Variants in CEP162 observed in about 807,000 individuals in gnomAD.
CEP162 encodes centrosomal protein 162.
CEP162 carries 141 observed loss-of-function variants against 169.2 expected under a neutral mutation model. That is an observed-to-expected ratio of 0.83 (90% CI 0.73 to 0.96). The LOEUF (loss-of-function observed/expected upper bound fraction) is 0.96, where lower values mean the gene tolerates loss of function less well. CEP162 is among the 40% of genes least tolerant of loss of function. CEP162 has a pLI of 0.00. For missense variants in CEP162, 1,600 were observed against 1,587.2 expected (o/e 1.01, Z -0.14); for synonymous variants, 540 against 526.4 (o/e 1.03, Z -0.35).
chr6:84,208,664 T>C (rs1032507215), intron 6 of CEP162, among the ~76,000 whole-genome samples: 2 of 152,242 alleles, frequency 1.3e-5, no homozygotes, highest in Non-Finnish European at 2.9e-5. Context: ...ACAGCATGTG[T>C]ATTGTAACTT....
chr6:84,221,925 C>T (rs1243232773), intron 2 of CEP162, among the ~76,000 whole-genome samples: 1 of 152,066 alleles, frequency 6.6e-6, no homozygotes, highest in Non-Finnish European at 1.5e-5. Context: ...TCTGTATCTT[C>T]ACTCCCTTCT....
At chr6:84,130,341 G>C (rs2099510806) in intron 25 of CEP162, among the ~76,000 whole-genome samples, 1 of 152,134 alleles carries the variant, frequency 6.6e-6, no homozygotes, top group South Asian at 2.1e-4. Flanking sequence ...GTTTCTGCCA[G>C]GTTTTGGTAT....
At chr6:84,197,842 AAG>A (rs1554181652) in intron 9 of CEP162, among the ~76,000 whole-genome samples, 64 of 150,894 alleles carry the variant, frequency 4.2e-4, no homozygotes, top group Middle Eastern at 3.4e-3. Flanking sequence ...AAAAAAAAAA[AAG>A]AGAGAAAGTT....
intron 25 of CEP162, among the ~76,000 whole-genome samples, chr6:84,139,393 A>T (rs560253899): frequency 4.6e-5 from 7 of 152,280 alleles, no homozygotes; most frequent in African/African-American, 1.7e-4. Flanking sequence ...GTTACTTTTC[A>T]TGAGGTTTCT....
intron 25 of CEP162, among the ~76,000 whole-genome samples, chr6:84,133,163 C>CTGCAGAACAGCAAATAT (rs950399185): frequency 3.3e-5 from 5 of 152,194 alleles, no homozygotes; most frequent in African/African-American, 1.2e-4. Flanking sequence ...CCAGCAGAGG[C>CTGCAGAACAGCAAATAT]TGCAGAACAG....
intron 4 of CEP162, 90 bp downstream of exon 4, chr6:84,215,686 A>T: frequency 2.7e-6 from 4 of 1,467,218 alleles, no homozygotes; most frequent in Non-Finnish European, 3.6e-6. Context: ...TACATGCTTC[A>T]GTAAAGGAGG....
intron 13 of CEP162, among the ~76,000 whole-genome samples, chr6:84,176,949 T>A (rs1000158644): frequency 8.5e-5 from 13 of 152,102 alleles, no homozygotes; most frequent in African/African-American, 2.2e-4. Context: ...GTGTATTTTT[T>A]AAAAATTTTA....
At chr6:84,178,207 T>C (rs2099533175) in intron 13 of CEP162, among the ~76,000 whole-genome samples, 1 of 152,198 alleles carries the variant, frequency 6.6e-6, no homozygotes, top group African/African-American at 2.4e-5. Context: ...TAAACTTGAC[T>C]GGATATTTAA....
At chr6:84,190,371 TA>T (rs1241175047) in intron 11 of CEP162, among the ~76,000 whole-genome samples, 1 of 152,060 alleles carries the variant, frequency 6.6e-6, no homozygotes, top group Non-Finnish European at 1.5e-5. Context: ...GATAAGAGAA[TA>T]AAAGCAGGCT....
At chr6:84,202,657 A>C (rs899198845) in intron 7 of CEP162, among the ~76,000 whole-genome samples, 2 of 150,882 alleles carry the variant, frequency 1.3e-5, no homozygotes, top group South Asian at 4.2e-4. Flanking sequence ...CCTCCCGAGC[A>C]GCTGGGACTA....
chr6:84,160,882 G>C lies in CEP162; in HGVS notation c.2711C>G (p.Ser904Cys). Residue 904 changes from serine (S) to cysteine (C), a missense_variant, in exon 21 of 27, where the codon TCT (serine) becomes TGT (cysteine). Physicochemically the swap from Ser to Cys is moderately radical, Grantham distance 112. Transcript: ENST00000403245. ...TTTTAAGCGTATCTTCTGCCGAATA[G>C]ATGGATTCCCAGATTCAGCTTTCAG... The part of the protein sequence containing the change: ...EKLKAESGNP[S>C]IRQKIRLKDK... 1 of 1,612,726 alleles carries C rather than the reference G, an allele frequency of 6.2e-7. No homozygotes were observed. The highest frequency in any genetic ancestry group is 1.3e-5 in the African/African-American group (1 of 75,024).
intron 17 of CEP162, among the ~76,000 whole-genome samples, chr6:84,170,355 C>T (rs535077222): frequency 1.2e-3 from 137 of 113,638 alleles, no homozygotes; most frequent in African/African-American, 4.5e-3. Flanking sequence ...GCCTGGGTGA[C>T]AGAGCGAGAC....
At chr6:84,133,791 T>A (rs2099512657) in intron 25 of CEP162, among the ~76,000 whole-genome samples, 1 of 152,156 alleles carries the variant, frequency 6.6e-6, no homozygotes, top group African/African-American at 2.4e-5. Context: ...GGAAAGGGAA[T>A]TCCCAGACCC....
At position 84,169,336 on chromosome 6, in the gene CEP162, T is replaced by C; in HGVS notation, c.2377A>G (p.Met793Val). 1 of 1,556,962 alleles carries C rather than the reference T, an allele frequency of 6.4e-7. No homozygotes were observed. Among genetic ancestry groups the C allele is most frequent in the Non-Finnish European group, 8.7e-7 (1 of 1,147,898 alleles). Residue 793 changes from methionine (M) to valine (V), a missense_variant, in exon 18 of 27, where the codon ATG becomes GTG. Physicochemically the swap from Met to Val is conservative, Grantham distance 21. Transcript: ENST00000403245. ...ATCGTTATGCAACTTACCTGTGCCA[T>C]CCGTAGTTCTGCTAACAGATCTGTA... ...NFTDLLAELR[M>V]AQKEKDSLLE...
chr6:84,224,658 T>C (rs1333529962), intron 2 of CEP162, among the ~76,000 whole-genome samples: 1 of 152,128 alleles, frequency 6.6e-6, no homozygotes, highest in East Asian at 1.9e-4. Context: ...TGAGAAAAGT[T>C]AGCATGACTC....
intron 2 of CEP162, among the ~76,000 whole-genome samples, chr6:84,223,646 C>T (rs1156593516): frequency 1.3e-5 from 2 of 152,040 alleles, no homozygotes; most frequent in South Asian, 2.1e-4. Flanking sequence ...GTGGCTCACA[C>T]CTGTAATCCC....
At chr6:84,134,156 A>G (rs1353681399) in intron 25 of CEP162, among the ~76,000 whole-genome samples, 1 of 152,104 alleles carries the variant, frequency 6.6e-6, no homozygotes, top group East Asian at 1.9e-4. Context: ...TGTTTATGCT[A>G]TGAGGGGAAA....
At chr6:84,146,198 A>T in intron 25 of CEP162, among the ~76,000 whole-genome samples, 1 of 152,206 alleles carries the variant, frequency 6.6e-6, no homozygotes. Flanking sequence ...GAGAGTTCTA[A>T]GCCACCATTT....
intron 13 of CEP162, among the ~76,000 whole-genome samples, chr6:84,179,872 A>G (rs1337914752): frequency 6.6e-6 from 1 of 152,204 alleles, no homozygotes; most frequent in Non-Finnish European, 1.5e-5. Context: ...ACCAAAAAAA[A>G]GTACAGGACC....
Sources: allele counts gnomAD v4.1 joint callset (sites outside exome capture counted in the v4.1 genomes callset), GRCh38; gene constraint gnomAD v4.1.1; transcripts MANE v1.5; gene names NCBI Gene and HGNC (gene_info 2026-07-23, HGNC 2026-07-21).